The following NXPE4 variants were observed in gnomAD, a reference collection of about 807,000 sequenced individuals.
NXPE4 encodes the protein NXPE family member 4.
Under a neutral mutation model 33.3 loss-of-function variants are expected in NXPE4, and 42 were observed. The observed-to-expected ratio is 1.26, with a 90% confidence interval of 0.98 to 1.63. The LOEUF (loss-of-function observed/expected upper bound fraction) is 1.63, where lower values mean the gene tolerates loss of function less well. Ranked by LOEUF, NXPE4 falls within the 40% of genes most tolerant of loss-of-function variation. The pLI is 0.00. For synonymous variants in NXPE4, 253 were observed against 234.9 expected, an observed-to-expected ratio of 1.08 and a Z score of -0.71; for missense variants, 709 against 647.6, an observed-to-expected ratio of 1.09 and a Z score of -1.03.
At chr11:114,587,150 C>T (rs998228591) in intron 2 of NXPE4, among the ~76,000 whole-genome samples, 1 of 152,162 alleles carries the variant, frequency 6.6e-6, no homozygotes, top group Admixed American at 6.5e-5. Context: ...AGGCTTTATG[C>T]TCCTTCTTTG....
chr11:114,655,032 A>G, the NXPE4 span, among the ~76,000 whole-genome samples: 4 of 152,344 alleles, frequency 2.6e-5, no homozygotes, highest in South Asian at 8.3e-4. Flanking sequence ...GTGAGATAGT[A>G]TCTCATTGTG....
Position 114,570,898 on chromosome 11 carries a change from T to C in NXPE4, c.*40A>G, listed in dbSNP as rs747901434. 1 of 1,438,220 alleles carries C rather than the reference T, an allele frequency of 7.0e-7. No individual in the cohort carries two copies. The highest frequency in any genetic ancestry group is 9.4e-7 in the Non-Finnish European group (1 of 1,064,020). The allele number at this position is 1,438,220 out of a possible 1,614,324, so 89.1% of individuals were successfully genotyped here. On this transcript the variant is annotated 3_prime_UTR_variant, in exon 6 of 6. Transcript: ENST00000375478. Reference sequence around the variant, plus strand: ...GCCTGCTAGTAGACAGTCAATAAATTTTTTTACTTAAGTGAATGAATTTCA... The same window carrying C: ...GCCTGCTAGTAGACAGTCAATAAATCTTTTTACTTAAGTGAATGAATTTCA...
chr11:114,634,008 T>G, the NXPE4 span, among the ~76,000 whole-genome samples: 1 of 151,944 alleles, frequency 6.6e-6, no homozygotes, highest in African/African-American at 2.4e-5. Context: ...AAATGGTATT[T>G]CTAGTTCTAG....
the NXPE4 span, among the ~76,000 whole-genome samples, chr11:114,604,975 C>T: frequency 6.6e-6 from 1 of 151,916 alleles, no homozygotes; most frequent in African/African-American, 2.4e-5. Flanking sequence ...CTAGGGTAAC[C>T]ACTGTTACCC....
At chr11:114,644,704 A>G in the NXPE4 span, among the ~76,000 whole-genome samples, 14 of 152,068 alleles carry the variant, frequency 9.2e-5, no homozygotes, top group Non-Finnish European at 1.9e-4. Context: ...TTCCCCCTCA[A>G]ATTTTATCAA....
At chr11:114,644,811 G>A in the NXPE4 span, among the ~76,000 whole-genome samples, 1 of 151,418 alleles carries the variant, frequency 6.6e-6, no homozygotes, top group Non-Finnish European at 1.5e-5. Flanking sequence ...AGCCCACCCT[G>A]CCAGATATCA....
At chr11:114,677,341 T>A in the NXPE4 span, among the ~76,000 whole-genome samples, 1 of 152,106 alleles carries the variant, frequency 6.6e-6, no homozygotes, top group Non-Finnish European at 1.5e-5. Flanking sequence ...ATTGTAGTAA[T>A]CACTTCACAA....
intron 5 of NXPE4, among the ~76,000 whole-genome samples, chr11:114,577,474 CA>C (rs1949038383): frequency 6.6e-6 from 1 of 152,042 alleles, no homozygotes; most frequent in Admixed American, 6.6e-5. Flanking sequence ...ATGGGTGCAT[CA>C]AAATCTCAGA....
chr11:114,581,310 A>C (rs913692522), intron 4 of NXPE4, among the ~76,000 whole-genome samples: 1 of 152,168 alleles, frequency 6.6e-6, no homozygotes, highest in African/African-American at 2.4e-5. Context: ...GGGAGGGGTT[A>C]TAATAAACTG....
intron 2 of NXPE4, among the ~76,000 whole-genome samples, chr11:114,591,058 A>T (rs1356628228): frequency 6.6e-6 from 1 of 151,878 alleles, no homozygotes; most frequent in East Asian, 1.9e-4. Context: ...TCTCAGGGAA[A>T]CTCCCCTGGA....
chr11:114,671,108 T>A, the NXPE4 span, among the ~76,000 whole-genome samples: 5 of 148,288 alleles, frequency 3.4e-5, no homozygotes, highest in African/African-American at 1.2e-4. Context: ...AACAAAAATA[T>A]CAAATTGAAA....
At chr11:114,603,170 A>C in the NXPE4 span, among the ~76,000 whole-genome samples, 2 of 151,620 alleles carry the variant, frequency 1.3e-5, no homozygotes, top group Non-Finnish European at 2.9e-5. Context: ...AACTACTATT[A>C]CCTGGTGGAT....
upstream of NXPE4, among the ~76,000 whole-genome samples, chr11:114,598,485 C>A (rs1243998400): frequency 3.3e-5 from 5 of 152,252 alleles, no homozygotes; most frequent in Admixed American, 1.3e-4. Context: ...GAGGGTTCCA[C>A]TCCTGCAGCA....
Position 114,570,717 on chromosome 11 carries a change from G to T in NXPE4, c.*221C>A. 1 of 429,580 alleles carries T rather than the reference G, an allele frequency of 2.3e-6. No homozygotes were observed. The highest frequency in any genetic ancestry group is 4.1e-6 in the Non-Finnish European group (1 of 244,128). 26.6% of individuals were successfully genotyped at this position (429,580 alleles called of 1,614,324 possible). A position where few individuals can be genotyped will look rare whatever the true frequency, so the allele number is the denominator to read the frequency against. ...AGAGGGGTATGGCTCTGATCAAGAA[G>T]GGTAGGCTCTTTTCATGAGTATTTT... On this transcript the variant is annotated 3_prime_UTR_variant, in exon 6 of 6. Coordinates refer to ENST00000375478, the MANE Select transcript of NXPE4 (RefSeq NM_001077639.2).
At chr11:114,607,398 A>G in the NXPE4 span, among the ~76,000 whole-genome samples, 1,550 of 152,018 alleles carry the variant, frequency 0.01, 25 homozygotes, top group African/African-American at 0.035. Flanking sequence ...CTCTTGGGTA[A>G]CCACTGTTAC....
At chr11:114,652,524 A>C in the NXPE4 span, among the ~76,000 whole-genome samples, 1 of 152,222 alleles carries the variant, frequency 6.6e-6, no homozygotes, top group African/African-American at 2.4e-5. Flanking sequence ...TTCATCTCTA[A>C]GGGCTGTTTT....
chr11:114,580,034 A>G, intron 5 of NXPE4, 98 bp downstream of exon 5: 12 of 1,068,912 alleles, frequency 1.1e-5, no homozygotes, highest in East Asian at 2.4e-5. Flanking sequence ...ATTGAAGAAT[A>G]TGAAAAAAAG....
chr11:114,661,825 A>G, the NXPE4 span, among the ~76,000 whole-genome samples: 1 of 152,226 alleles, frequency 6.6e-6, no homozygotes, highest in African/African-American at 2.4e-5. Flanking sequence ...AAAGATAGAC[A>G]CAGAGGTTGA....
At chr11:114,658,184 T>C in the NXPE4 span, among the ~76,000 whole-genome samples, 1 of 152,202 alleles carries the variant, frequency 6.6e-6, no homozygotes. Flanking sequence ...AGGCCAACCA[T>C]CTAGCTTAAA....
Sources: gnomAD v4.1 joint callset for allele counts (sites outside exome capture counted in the v4.1 genomes callset) on GRCh38, gnomAD v4.1.1 for gene constraint, MANE v1.5 for transcripts, NCBI Gene and HGNC (gene_info 2026-07-23, HGNC 2026-07-21) for gene names.